DMGDH: variants seen among roughly 807,000 people sequenced by gnomAD.
The protein encoded by DMGDH is dimethylglycine dehydrogenase, mitochondrial.
A neutral mutation model predicts 95.2 loss-of-function variants in DMGDH; 76 were observed. The ratio of observed to expected loss-of-function variants is 0.80; its 90% confidence interval spans 0.66 to 0.97. The LOEUF (loss-of-function observed/expected upper bound fraction) is 0.97, where lower values mean the gene tolerates loss of function less well. Among genes scored for constraint, DMGDH ranks in the 50% least tolerant of loss-of-function variants. The pLI, the probability that DMGDH is intolerant of heterozygous loss-of-function variation, is 0.00. For missense variants in DMGDH, 987 were observed against 1,055.0 expected (o/e 0.94, Z 0.89); for synonymous variants, 345 against 377.6 (o/e 0.91, Z 1.00).
intron 7 of DMGDH, among the ~76,000 whole-genome samples, chr5:79,034,887 T>C (rs1027115179): frequency 1.8e-4 from 27 of 150,936 alleles, no homozygotes; most frequent in African/African-American, 4.2e-4. Context: ...GAAACCCCGT[T>C]TCTACTAAAA....
intron 2 of DMGDH, among the ~76,000 whole-genome samples, chr5:79,060,232 A>G (rs115096695): frequency 0.02 from 2,983 of 152,306 alleles, 96 homozygotes; most frequent in African/African-American, 0.068. Context: ...CTGAATCTTT[A>G]GTCCTCAGCT....
chr5:79,064,177 G>GC (rs1228499621), intron 1 of DMGDH, among the ~76,000 whole-genome samples: 3 of 151,838 alleles, frequency 2.0e-5, no homozygotes, highest in African/African-American at 7.3e-5. Context: ...ACATGACGAA[G>GC]CCCCGTCTCT....
chr5:79,015,235 T>A (rs939164799), intron 14 of DMGDH, among the ~76,000 whole-genome samples: 1 of 152,192 alleles, frequency 6.6e-6, no homozygotes, highest in Non-Finnish European at 1.5e-5. Flanking sequence ...CAGTCCCTCA[T>A]GTGGTATCCA....
At chr5:79,016,920 T>C (rs988534210) in intron 14 of DMGDH, among the ~76,000 whole-genome samples, 3 of 152,130 alleles carry the variant, frequency 2.0e-5, no homozygotes, top group African/African-American at 7.2e-5. Flanking sequence ...CTGACGAAGA[T>C]ATAAAGGCAA....
rs377090270 is a variant in DMGDH at position 79,058,991 on chromosome 5, C to T, written c.277-3083G>A. 2.1e-4 allele frequency among the ~76,000 whole-genome samples: 32 copies of T among 152,344 alleles called. 1 individual carries two copies. The highest frequency in any genetic ancestry group is 7.7e-4 in the African/African-American group (32 of 41,588). On this transcript the variant is annotated intron_variant, in intron 2 of 15. Transcript: ENST00000255189. ...TATTCCAGTGGCTCCAAATCTTTCA[C>T]TCATACATTTACACCCAATACAAAG... is the stretch of plus-strand genomic sequence containing the variant.
Position 79,063,715 on chromosome 5 carries a change from G to A in DMGDH, c.174C>T (p.Gly58=). The A allele has an allele frequency of 6.2e-7, 1 of 1,614,178 alleles. No individual in the cohort carries two copies. The highest frequency in any genetic ancestry group is 8.5e-7 in the Non-Finnish European group (1 of 1,180,028). ...DRAETVIIGG[G]CVGVSLAYHL... is the part of the protein sequence containing the mutation. Reference sequence around the variant, plus strand: ...GATAAGCCAGACTCACACCAACACAGCCACCTCCAATTATCACTGTTTCTG... The same window carrying A: ...GATAAGCCAGACTCACACCAACACAACCACCTCCAATTATCACTGTTTCTG... The change falls in exon 2 of 16, where the codon GGC becomes GGT. Residue 58 remains glycine (G), a synonymous_variant. Coordinates refer to ENST00000255189, the MANE Select transcript of DMGDH (RefSeq NM_013391.3).
At chr5:79,060,945 G>T (rs189051373) in intron 2 of DMGDH, among the ~76,000 whole-genome samples, 104 of 151,426 alleles carry the variant, frequency 6.9e-4, no homozygotes, top group Non-Finnish European at 1.4e-3. Context: ...AATGCGGCCA[G>T]GCTTAGTGGC....
chr5:79,003,314 A>G (rs927131342), intron 15 of DMGDH, among the ~76,000 whole-genome samples: 1 of 152,222 alleles, frequency 6.6e-6, no homozygotes, highest in South Asian at 2.1e-4. Flanking sequence ...AGGCCCAGAG[A>G]TCAGCTCAGG....
chr5:79,025,644 A>G (rs73771389), intron 13 of DMGDH, among the ~76,000 whole-genome samples: 1 of 152,196 alleles, frequency 6.6e-6, no homozygotes, highest in Non-Finnish European at 1.5e-5. Flanking sequence ...GGTGGAGGAA[A>G]AATTCAAACC....
intron 13 of DMGDH, among the ~76,000 whole-genome samples, chr5:79,025,956 A>C (rs1193460187): frequency 6.6e-6 from 1 of 152,268 alleles, no homozygotes; most frequent in Non-Finnish European, 1.5e-5. Flanking sequence ...AAATGGTTAA[A>C]GCACTATACA....
At position 79,054,341 on chromosome 5, in the gene DMGDH, C is replaced by T. The variant is rs746249537; in HGVS notation, c.383G>A (p.Gly128Glu). The change falls in exon 4 of 16, where the codon GGA (glycine) becomes GAA (glutamate). Residue 128 changes from glycine to glutamate, a missense_variant. Transcript: ENST00000255189. ...TCTGATACTACCTGGCTGATGGAAT[C>T]CCACCACCTGTGACAATAATTCCAG... ...KLEEETGQVV[G>E]FHQPGSIRLA... 1.9e-6 allele frequency: 3 copies of T among 1,614,014 alleles called. No individual in the cohort carries two copies. The East Asian group carries it at 6.7e-5, about 36-fold the overall frequency.
chr5:79,026,523 A>T lies in DMGDH; in HGVS notation c.2091T>A (p.Ala697=), dbSNP rs750914188. 8 of 1,614,172 alleles carry T rather than the reference A, an allele frequency of 5.0e-6. No individual in the cohort carries two copies. In the South Asian group the frequency reaches 8.8e-5, roughly 18 times the overall value. Residue 697 remains alanine, a synonymous_variant, in exon 13 of 16, where the codon GCT becomes GCA. Transcript: ENST00000255189. ...CCTCCTCCTGGCCTGCATTCATGAT[A>T]GCGTCATACAGCGCCACAGAATCTT... The part of the protein sequence containing the change: ...RREDSVALYD[A]IMNAGQEEGI...
chr5:79,032,969 G>T, intron 8 of DMGDH, 129 bp from the exon 9 acceptor site: 1 of 1,154,444 alleles, frequency 8.7e-7, no homozygotes, highest in Non-Finnish European at 1.3e-6. Context: ...ACATATATAT[G>T]AATGATTCAT....
intron 10 of DMGDH, chr5:79,030,628 A>AGAGC (rs1754135606): frequency 3.8e-6 from 2 of 532,200 alleles, no homozygotes; most frequent in Non-Finnish European, 6.4e-6. Flanking sequence ...CCTGGGTGAC[A>AGAGC]AAGCAAGACT....
chr5:79,016,134 A>G (rs1306484645), intron 14 of DMGDH, among the ~76,000 whole-genome samples: 2 of 152,050 alleles, frequency 1.3e-5, no homozygotes, highest in Non-Finnish European at 2.9e-5. Flanking sequence ...GCTACTTGGG[A>G]GGCTGAGGCA....
intron 5 of DMGDH, among the ~76,000 whole-genome samples, chr5:79,048,313 C>T (rs961509385): frequency 6.6e-6 from 1 of 152,128 alleles, no homozygotes; most frequent in Admixed American, 6.5e-5. Context: ...TGTCTCTGGG[C>T]CACAGAGTGC....
At chr5:79,046,268 G>A (rs1406104311) in intron 5 of DMGDH, among the ~76,000 whole-genome samples, 1 of 151,850 alleles carries the variant, frequency 6.6e-6, no homozygotes, top group East Asian at 1.9e-4. Flanking sequence ...TGTATTTTTA[G>A]TAGACGAGAT....
At chr5:79,019,892 ATAGT>A (rs1041966108) in intron 14 of DMGDH, among the ~76,000 whole-genome samples, 2 of 152,106 alleles carry the variant, frequency 1.3e-5, no homozygotes, top group Admixed American at 6.5e-5. Flanking sequence ...CTCAATAAAA[ATAGT>A]TAGATAGACA....
Position 78,998,228 on chromosome 5 carries a change from G to C in DMGDH, c.2455C>G (p.Pro819Ala), listed in dbSNP as rs1753394113. Reference sequence around the variant, plus strand: ...TGTCCCACTTCACTTAGTTGTACAGGGACATATGCGAAAGCCAGACTCTTC... The same window carrying C: ...TGTCCCACTTCACTTAGTTGTACAGCGACATATGCGAAAGCCAGACTCTTC... ...IQKSLAFAYVPVQLSEVGQQV... is the reference protein window; with the variant it reads ...IQKSLAFAYVAVQLSEVGQQV... The change falls in exon 16 of 16, where the codon CCT becomes GCT. Residue 819 changes from proline to alanine, a missense_variant. Physicochemically the swap from Pro to Ala is conservative, Grantham distance 27. Transcript: ENST00000255189. The C allele has an allele frequency of 1.2e-6, 2 of 1,614,044 alleles. No homozygotes were observed. Among genetic ancestry groups the C allele is most frequent in the Non-Finnish European group, 1.7e-6 (2 of 1,180,040 alleles).
Sources: allele counts gnomAD v4.1 joint callset (sites outside exome capture counted in the v4.1 genomes callset), GRCh38; gene constraint gnomAD v4.1.1; transcripts MANE v1.5; gene names NCBI Gene and HGNC (gene_info 2026-07-23, HGNC 2026-07-21).